Variants in MIPOL1 observed in about 807,000 individuals in gnomAD.
The protein encoded by MIPOL1 is mirror-image polydactyly gene 1 protein.
In MIPOL1, 57 loss-of-function variants were observed where a neutral mutation model predicts 60.9. The ratio of observed to expected loss-of-function variants is 0.94; its 90% CI spans 0.76 to 1.17. The LOEUF is 1.17. MIPOL1 is among the 50% of genes most tolerant of loss of function. MIPOL1 has a pLI of 0.00. For missense variants in MIPOL1, 551 were observed against 511.6 expected, an observed-to-expected ratio of 1.08 and a Z score of -0.74; for synonymous variants, 179 against 168.8, an observed-to-expected ratio of 1.06 and a Z score of -0.47.
intron 12 of MIPOL1, among the ~76,000 whole-genome samples, chr14:37,531,107 C>T (rs776317729): frequency 9.2e-5 from 14 of 152,208 alleles, no homozygotes; most frequent in Middle Eastern, 3.4e-3. Context: ...CGTGAACCAC[C>T]GCGCCCAGCC....
At chr14:37,523,214 C>T (rs939079989) in intron 12 of MIPOL1, among the ~76,000 whole-genome samples, 1 of 151,988 alleles carries the variant, frequency 6.6e-6, no homozygotes, top group African/African-American at 2.4e-5. Flanking sequence ...ATCTGTCTGC[C>T]TAATTATTTA....
chr14:37,406,601 A>G (rs1258465086), intron 10 of MIPOL1, among the ~76,000 whole-genome samples: 2 of 152,150 alleles, frequency 1.3e-5, no homozygotes, highest in African/African-American at 2.4e-5. Context: ...GGAATGTATC[A>G]TGCCATGAAA....
At chr14:37,420,530 T>C (rs1006613294) in intron 10 of MIPOL1, among the ~76,000 whole-genome samples, 16 of 152,138 alleles carry the variant, frequency 1.1e-4, no homozygotes, top group African/African-American at 3.9e-4. Flanking sequence ...TTATATGATA[T>C]AAATATCAAT....
chr14:37,349,413 C>A (rs2091187037), intron 9 of MIPOL1, among the ~76,000 whole-genome samples: 1 of 152,182 alleles, frequency 6.6e-6, no homozygotes. Context: ...GTAGTCTTTA[C>A]AAGAATCTCA....
intron 11 of MIPOL1, among the ~76,000 whole-genome samples, chr14:37,474,698 A>G (rs1030247904): frequency 6.6e-6 from 1 of 152,230 alleles, no homozygotes; most frequent in East Asian, 1.9e-4. Flanking sequence ...TAGCTTTGAA[A>G]GAATCTGTCA....
chr14:37,418,596 AAGAAAATATGTATTTTGGAAC>A (rs1175582209), intron 10 of MIPOL1, among the ~76,000 whole-genome samples: 1 of 152,180 alleles, frequency 6.6e-6, no homozygotes, highest in Non-Finnish European at 1.5e-5. Flanking sequence ...GTGGTATAAA[AAGAAAATATGTATTTTGGAAC>A]AAATGGGTCT....
chr14:37,205,779 C>T (rs1260891411), intron 1 of MIPOL1, among the ~76,000 whole-genome samples: 4 of 152,086 alleles, frequency 2.6e-5, no homozygotes, highest in African/African-American at 9.7e-5. Context: ...TCATCCATGT[C>T]CCTGCAAAGG....
intron 1 of MIPOL1, among the ~76,000 whole-genome samples, chr14:37,208,472 T>G (rs1471172455): frequency 6.6e-6 from 1 of 152,170 alleles, no homozygotes; most frequent in Non-Finnish European, 1.5e-5. Context: ...ATGTAGATAG[T>G]ATAGATCAAT....
At chr14:37,491,153 A>G (rs985014168) in intron 11 of MIPOL1, among the ~76,000 whole-genome samples, 1 of 152,152 alleles carries the variant, frequency 6.6e-6, no homozygotes, top group African/African-American at 2.4e-5. Context: ...CACATCACCA[A>G]ATTTATGAAG....
intron 9 of MIPOL1, among the ~76,000 whole-genome samples, chr14:37,348,974 C>A (rs1277612826): frequency 6.9e-6 from 1 of 144,080 alleles, no homozygotes; most frequent in Admixed American, 7.4e-5. Context: ...CCACCATGCC[C>A]AGCTAATTCT....
intron 11 of MIPOL1, among the ~76,000 whole-genome samples, chr14:37,481,563 ACACACACAC>A (rs1566683792): frequency 2.1e-4 from 11 of 51,270 alleles, no homozygotes; most frequent in East Asian, 4.9e-4. Flanking sequence ...CCCCCCCAAC[ACACACACAC>A]ACACACACAC....
intron 12 of MIPOL1, among the ~76,000 whole-genome samples, chr14:37,526,881 TTTGAGAACAACA>T (rs1308407940): frequency 1.3e-5 from 2 of 152,156 alleles, no homozygotes; most frequent in Non-Finnish European, 2.9e-5. Context: ...GTGAACAATA[TTTGAGAACAACA>T]ATGTCTAAGA....
At chr14:37,429,711 A>T (rs192116728) in intron 11 of MIPOL1, among the ~76,000 whole-genome samples, 132 of 152,212 alleles carry the variant, frequency 8.7e-4, no homozygotes, top group Non-Finnish European at 1.6e-3. Flanking sequence ...ATTTTTTTCT[A>T]TATTACTTTA....
chr14:37,378,732 G>A (rs2092844470), intron 10 of MIPOL1, among the ~76,000 whole-genome samples: 1 of 151,576 alleles, frequency 6.6e-6, no homozygotes, highest in Non-Finnish European at 1.5e-5. Flanking sequence ...GGGAGAGGGA[G>A]TCAAAGGAAA....
At chr14:37,539,817 C>G (rs1178848204) in intron 12 of MIPOL1, among the ~76,000 whole-genome samples, 4 of 152,104 alleles carry the variant, frequency 2.6e-5, no homozygotes, top group African/African-American at 9.7e-5. Context: ...ATTCAGCTCC[C>G]CATTTGATGT....
intron 10 of MIPOL1, among the ~76,000 whole-genome samples, chr14:37,398,889 A>G (rs886525201): frequency 2.0e-5 from 3 of 152,248 alleles, no homozygotes; most frequent in Non-Finnish European, 2.9e-5. Flanking sequence ...CAAGATGTCA[A>G]TAGTCTTTTT....
At chr14:37,309,991 A>T (rs2087170578) in intron 9 of MIPOL1, among the ~76,000 whole-genome samples, 1 of 151,970 alleles carries the variant, frequency 6.6e-6, no homozygotes, top group South Asian at 2.1e-4. Flanking sequence ...GCCTGGCCTC[A>T]GCTTATTTCT....
intron 9 of MIPOL1, among the ~76,000 whole-genome samples, chr14:37,320,470 C>T (rs1207133081): frequency 2.0e-5 from 3 of 151,780 alleles, no homozygotes; most frequent in African/African-American, 4.8e-5. Context: ...AATATCTCTT[C>T]GAGGCTATTG....
chr14:37,299,137 G>A lies in MIPOL1; in HGVS notation c.624-8919G>A, dbSNP rs1357342597. Among the ~76,000 whole-genome samples the A allele has an allele frequency of 6.6e-5, 10 of 152,110 alleles. No homozygotes were observed. The East Asian group carries it at 7.7e-4, about 12-fold the overall frequency. Reference sequence around the variant, plus strand: ...CAGCCATAAAAAATGATGAGTTCATGTCCTTTGTAGGGACATGGATGAAGC... The same window carrying A: ...CAGCCATAAAAAATGATGAGTTCATATCCTTTGTAGGGACATGGATGAAGC... On this transcript the variant is annotated intron_variant, in intron 7 of 12. Transcript: ENST00000684589.
Sources: allele counts gnomAD v4.1 joint callset (sites outside exome capture counted in the v4.1 genomes callset), GRCh38; gene constraint gnomAD v4.1.1; transcripts MANE v1.5; gene names NCBI Gene and HGNC (gene_info 2026-07-23, HGNC 2026-07-21).